HTRA1: variants seen among roughly 807,000 people sequenced by gnomAD.
The protein encoded by HTRA1 is serine protease HTRA1.
HTRA1 carries 26 observed loss-of-function variants against 49.7 expected under a neutral mutation model. The ratio of observed to expected loss-of-function variants is 0.52; its 90% CI spans 0.38 to 0.73. The LOEUF (loss-of-function observed/expected upper bound fraction) is 0.73, where lower values mean the gene tolerates loss of function less well. HTRA1 is among the 30% of genes least tolerant of loss of function. HTRA1 has a pLI of 0.00. For synonymous variants in HTRA1, 291 were observed against 286.9 expected, an observed-to-expected ratio of 1.01 and a Z score of -0.14; for missense variants, 561 against 667.2, an observed-to-expected ratio of 0.84 and a Z score of 1.75.
chr10:122,512,166 A>C, intron 8 of HTRA1, 101 bp downstream of exon 8: 1 of 894,750 alleles, frequency 1.1e-6, no homozygotes, highest in South Asian at 1.3e-5. Context: ...TCAGATGATT[A>C]TGTTGATCCT....
chr10:122,491,628 G>A (rs930926395), intron 3 of HTRA1, among the ~76,000 whole-genome samples: 1 of 152,246 alleles, frequency 6.6e-6, no homozygotes, highest in African/African-American at 2.4e-5. Context: ...TTGAGCCAAG[G>A]TGGAGACTGT....
chr10:122,509,316 C>T (rs186221882), intron 6 of HTRA1, among the ~76,000 whole-genome samples: 69 of 152,272 alleles, frequency 4.5e-4, no homozygotes, highest in African/African-American at 1.6e-3. Flanking sequence ...CCCAAGAAAA[C>T]GGATCAGGGT....
chr10:122,470,697 A>G (rs141116544), intron 1 of HTRA1, among the ~76,000 whole-genome samples: 6 of 151,902 alleles, frequency 3.9e-5, no homozygotes, highest in Admixed American at 3.9e-4. Context: ...AGCTTTGTCA[A>G]CTCCTAAAGC....
At chr10:122,511,877 AAGG>A (rs1456656046) in intron 7 of HTRA1, 90 bp from the exon 8 acceptor site, 1 of 875,172 alleles carries the variant, frequency 1.1e-6, no homozygotes, top group Non-Finnish European at 1.9e-6. Flanking sequence ...CCTTAGACCT[AAGG>A]AGAAGACGGG....
intron 1 of HTRA1, among the ~76,000 whole-genome samples, chr10:122,471,844 T>C (rs1213332203): frequency 6.6e-6 from 1 of 152,228 alleles, no homozygotes; most frequent in African/African-American, 2.4e-5. Context: ...CTCATGGTTT[T>C]CCTGTAAGGC....
chr10:122,488,787 C>T (rs375509642), intron 1 of HTRA1, 115 bp from the exon 2 acceptor site: 59 of 880,554 alleles, frequency 6.7e-5, no homozygotes, highest in East Asian at 2.7e-4. Flanking sequence ...GCGCTCACTC[C>T]GCCTTCAGAA....
At chr10:122,510,472 G>A (rs916643057) in intron 7 of HTRA1, among the ~76,000 whole-genome samples, 6 of 152,164 alleles carry the variant, frequency 3.9e-5, no homozygotes, top group East Asian at 1.9e-4. Flanking sequence ...TCTGGCTCAC[G>A]TCTTCCTTAC....
rs370133626 is a variant in HTRA1, at chr10:122,478,594, G to A, written c.473-10308G>A. ...TTTTTAGTAGAGACAGGGTTTCACC[G>A]TGTTAGCCAGGATGGTCTCGATTTC... On this transcript the variant is annotated intron_variant, in intron 1 of 8. Transcript: ENST00000368984. 1.6e-3 allele frequency among the ~76,000 whole-genome samples: 241 copies of A among 152,012 alleles called. 1 individual carries two copies. Among genetic ancestry groups the A allele is most frequent in the African/African-American group, 5.6e-3 (232 of 41,470 alleles).
At chr10:122,501,235 G>A (rs531340789) in intron 3 of HTRA1, among the ~76,000 whole-genome samples, 17 of 152,292 alleles carry the variant, frequency 1.1e-4, no homozygotes, top group Admixed American at 4.6e-4. Context: ...GACACGCGCC[G>A]TGGGAGTGAT....
intron 1 of HTRA1, among the ~76,000 whole-genome samples, chr10:122,469,903 A>G (rs2097485405): frequency 6.6e-6 from 1 of 151,946 alleles, no homozygotes; most frequent in South Asian, 2.1e-4. Context: ...TCTGTTATTA[A>G]TTTCTAGTTT....
chr10:122,466,719 T>A (rs12251185), intron 1 of HTRA1, among the ~76,000 whole-genome samples: 10,369 of 152,136 alleles, frequency 0.068, 925 homozygotes, highest in African/African-American at 0.2. Flanking sequence ...CAAATACACC[T>A]TTTGTCAGTT....
intron 1 of HTRA1, among the ~76,000 whole-genome samples, chr10:122,475,915 T>TTC (rs2097488263): frequency 6.6e-6 from 1 of 152,222 alleles, no homozygotes; most frequent in Non-Finnish European, 1.5e-5. Flanking sequence ...GCTGACAAGT[T>TTC]TCCTTGGAAT....
chr10:122,506,709 C>G lies in HTRA1; in HGVS notation c.796C>G (p.Leu266Val). The G allele has an allele frequency of 6.2e-7, 1 of 1,613,240 alleles. No homozygotes were observed. The highest frequency in any genetic ancestry group is 1.6e-4 in the Middle Eastern group (1 of 6,062). Residue 266 changes from leucine (L) to valine (V), a missense_variant, in exon 4 of 9, where the codon CTG (leucine) becomes GTG (valine). This residue lies in a region of HTRA1 where 271 missense variants were observed against 410.0 expected (regional missense o/e 0.66). Transcript: ENST00000368984. The surrounding 1 kb of genome is among the most constrained non-coding windows in gnomAD (Gnocchi z 5.2). ...GTTTCAGGGCAAGCTGCCTGTCCTGCTGCTTGGCCGCTCCTCAGAGCTGCG... is the reference window on the plus strand; with the variant it reads ...GTTTCAGGGCAAGCTGCCTGTCCTGGTGCTTGGCCGCTCCTCAGAGCTGCG... Reference protein sequence around the residue: ...IDHQGKLPVLLLGRSSELRPG... With the variant: ...IDHQGKLPVLVLGRSSELRPG...
intron 3 of HTRA1, among the ~76,000 whole-genome samples, chr10:122,495,499 G>A (rs546784207): frequency 6.6e-6 from 1 of 152,240 alleles, no homozygotes; most frequent in African/African-American, 2.4e-5. Flanking sequence ...GGGTGGGGAC[G>A]TGGCTCCTAA....
At chr10:122,505,451 A>G (rs2097502645) in intron 3 of HTRA1, among the ~76,000 whole-genome samples, 1 of 151,964 alleles carries the variant, frequency 6.6e-6, no homozygotes, top group African/African-American at 2.4e-5. Context: ...TGGATGAGAG[A>G]GTCTGTTTTT....
At position 122,490,101 on chromosome 10, in the gene HTRA1, G is replaced by C. The variant is rs1205894462; in HGVS notation, c.777+475G>C. 6.6e-6 allele frequency among the ~76,000 whole-genome samples: 1 copy of C among 152,158 alleles called. No individual in the cohort carries two copies. Among genetic ancestry groups the C allele is most frequent in the Non-Finnish European group, 1.5e-5 (1 of 68,034 alleles). ...CTCTCCCAAATTGGGGTTTTGCGGG[G>C]TTATGAGATGTGTTTCAAAAGAATG... On this transcript the variant is annotated intron_variant, in intron 3 of 8. Coordinates refer to ENST00000368984, the MANE Select transcript of HTRA1 (RefSeq NM_002775.5). This position sits in a 1 kb window ranked among gnomAD's most constrained non-coding sequence, Gnocchi z 4.2.
intron 3 of HTRA1, among the ~76,000 whole-genome samples, chr10:122,501,926 T>C (rs1269489795): frequency 3.4e-5 from 5 of 145,876 alleles, no homozygotes; most frequent in Non-Finnish European, 6.0e-5. Context: ...CACCCAGCCC[T>C]TGGACAGATA....
chr10:122,494,630 C>G lies in HTRA1; in HGVS notation c.777+5004C>G, dbSNP rs1355170597. Among the ~76,000 whole-genome samples the G allele has an allele frequency of 6.6e-6, 1 of 152,136 alleles. No homozygotes were observed. Among genetic ancestry groups the G allele is most frequent in the Non-Finnish European group, 1.5e-5 (1 of 68,034 alleles). On this transcript the variant is annotated intron_variant, in intron 3 of 8. Transcript: ENST00000368984. This position sits in a 1 kb window ranked among gnomAD's most constrained non-coding sequence, Gnocchi z 4.0. ...GCTTGTGAGGTGGTTTTCCTCCCTCCCCTGTAGGCCTGCGCCACCCCCCCA... is the reference window on the plus strand; with the variant it reads ...GCTTGTGAGGTGGTTTTCCTCCCTCGCCTGTAGGCCTGCGCCACCCCCCCA...
intron 3 of HTRA1, among the ~76,000 whole-genome samples, chr10:122,496,228 C>CTTTTTTTTTTTTT (rs71026021): frequency 9.3e-5 from 7 of 75,646 alleles, no homozygotes; most frequent in South Asian, 6.8e-4. Flanking sequence ...ATTGTGGGTT[C>CTTTTTTTTTTTTT]TTTTTTTTTT....
Sources: allele counts gnomAD v4.1 joint callset (sites outside exome capture counted in the v4.1 genomes callset), GRCh38; gene constraint gnomAD v4.1.1; regional missense constraint gnomAD v4.1.1; non-coding constraint Gnocchi (gnomAD v3.1); transcripts MANE v1.5; gene names NCBI Gene and HGNC (gene_info 2026-07-23, HGNC 2026-07-21).